Variants in DCAF6 observed in about 807,000 individuals in gnomAD.
DCAF6 encodes DDB1 and CUL4 associated factor 6.
Under a neutral mutation model 125.1 loss-of-function variants are expected in DCAF6, and 54 were observed. The observed-to-expected ratio is 0.43, with a 90% confidence interval of 0.35 to 0.54. The LOEUF is 0.54. Among genes scored for constraint, DCAF6 ranks in the 20% least tolerant of loss-of-function variants. The pLI is 0.01. For synonymous variants in DCAF6, 371 were observed against 390.4 expected (o/e 0.95, Z 0.58); for missense variants, 934 against 1,161.7 (o/e 0.80, Z 2.85).
the DCAF6 span, among the ~76,000 whole-genome samples, chr1:167,927,435 A>G: frequency 6.6e-6 from 1 of 152,198 alleles, no homozygotes; most frequent in East Asian, 1.9e-4. Context: ...ACACAGTATC[A>G]ATTACTAAGT....
the DCAF6 span, among the ~76,000 whole-genome samples, chr1:167,912,570 C>A: frequency 6.6e-6 from 1 of 152,238 alleles, no homozygotes; most frequent in African/African-American, 2.4e-5. Context: ...CCTCCTCCAG[C>A]GTCTGTAATA....
At chr1:168,025,760 G>T (rs543647800) in intron 12 of DCAF6, among the ~76,000 whole-genome samples, 72 of 152,152 alleles carry the variant, frequency 4.7e-4, no homozygotes, top group African/African-American at 1.6e-3. Flanking sequence ...ATTCTCTACC[G>T]GCAGCCAGAG....
At chr1:167,885,143 T>C in the DCAF6 span, among the ~76,000 whole-genome samples, 1 of 152,256 alleles carries the variant, frequency 6.6e-6, no homozygotes, top group Non-Finnish European at 1.5e-5. Context: ...GGCTGAATAG[T>C]ACTTCGTTGT....
At chr1:167,978,047 T>A in intron 4 of DCAF6, among the ~76,000 whole-genome samples, 1 of 152,216 alleles carries the variant, frequency 6.6e-6, no homozygotes, top group East Asian at 1.9e-4. Context: ...GAGCAAAATC[T>A]TAACTCATTT....
In DCAF6 at chr1:168,069,527, A is replaced by G. The variant is rs555082412; in HGVS notation, c.2791+1064A>G. 1.6e-3 allele frequency among the ~76,000 whole-genome samples: 240 copies of G among 152,302 alleles called. 1 individual carries two copies. The highest frequency in any genetic ancestry group is 8.1e-3 in the Admixed American group (124 of 15,290). ...CTGCATAAGCAGTGAATTAAATATCACTTCCTCAGAGAGAGTGGGGAATGG... is the reference window on the plus strand; with the variant it reads ...CTGCATAAGCAGTGAATTAAATATCGCTTCCTCAGAGAGAGTGGGGAATGG... On this transcript the variant is annotated intron_variant, in intron 21 of 21. Transcript: ENST00000367840.
At chr1:167,867,942 G>A in the DCAF6 span, among the ~76,000 whole-genome samples, 2 of 152,154 alleles carry the variant, frequency 1.3e-5, no homozygotes, top group Non-Finnish European at 2.9e-5. Context: ...CCTCCTGTAC[G>A]AGTGGAAGCT....
At chr1:168,045,511 G>A (rs1429855239) in intron 16 of DCAF6, among the ~76,000 whole-genome samples, 2 of 152,214 alleles carry the variant, frequency 1.3e-5, no homozygotes, top group Non-Finnish European at 2.9e-5. Flanking sequence ...TGTTAAGAAT[G>A]ACCCACAGGT....
intron 10 of DCAF6, among the ~76,000 whole-genome samples, chr1:168,007,782 T>C (rs1683542803): frequency 6.6e-6 from 1 of 151,948 alleles, no homozygotes; most frequent in African/African-American, 2.4e-5. Flanking sequence ...TTCTCTTCTC[T>C]TTACATACAC....
chr1:167,988,257 C>T (rs904845266), intron 5 of DCAF6, among the ~76,000 whole-genome samples: 4 of 152,052 alleles, frequency 2.6e-5, no homozygotes, highest in African/African-American at 9.7e-5. Flanking sequence ...ATCTTCTGGG[C>T]TCGAGTAATC....
the DCAF6 span, among the ~76,000 whole-genome samples, chr1:167,916,491 G>A: frequency 6.6e-6 from 1 of 152,182 alleles, no homozygotes; most frequent in African/African-American, 2.4e-5. Context: ...ACAGGCGTGA[G>A]CCACCGCACC....
chr1:167,924,354 G>A, the DCAF6 span: 4 of 621,598 alleles, frequency 6.4e-6, no homozygotes, highest in Admixed American at 1.5e-4. Context: ...AAAACGATAT[G>A]TCTGAGAATA....
Position 167,936,685 on chromosome 1 carries a change from A to C in DCAF6, c.-227A>C, listed in dbSNP as rs532123128. The C allele has an allele frequency of 3.4e-5, 17 of 493,074 alleles. No individual in the cohort carries two copies. In the African/African-American group the frequency reaches 3.5e-4, roughly 10 times the overall value. The allele number at this position is 493,074 out of a possible 1,614,324, so 30.5% of individuals were successfully genotyped here. ...GGAGGAGACTGTTGCTGATCTTTGG[A>C]TGTTCTGGTTAGTCTAAGAAGGAGA... On this transcript the variant is annotated 5_prime_UTR_variant, in exon 1 of 22. The change abolishes an upstream ATG in the 5' untranslated region. Coordinates refer to ENST00000367840, the MANE Select transcript of DCAF6 (RefSeq NM_001198956.2).
rs990167446 is a variant in DCAF6 at position 168,039,188 on chromosome 1, G to T, written c.1727+700G>T. Among the ~76,000 whole-genome samples the T allele has an allele frequency of 2.6e-5, 4 of 152,080 alleles. No homozygotes were observed. The South Asian group carries it at 6.2e-4, about 24-fold the overall frequency. On this transcript the variant is annotated intron_variant, in intron 13 of 21. Coordinates refer to ENST00000367840, the MANE Select transcript of DCAF6 (RefSeq NM_001198956.2). The stretch of plus-strand genomic sequence containing the variant: ...GAAATGAACTATATCTAGATTAAAA[G>T]ATATTGCCAAATTATTTCCAAAAGA...
chr1:167,913,202 C>T, the DCAF6 span, among the ~76,000 whole-genome samples: 1 of 152,048 alleles, frequency 6.6e-6, no homozygotes, highest in African/African-American at 2.4e-5. Flanking sequence ...GGCAAGCAGG[C>T]GAATGAGGCC....
chr1:167,998,544 A>T (rs1406512125), intron 7 of DCAF6: 1 of 165,960 alleles, frequency 6.0e-6, no homozygotes, highest in Non-Finnish European at 1.3e-5. Context: ...TCCAAATTGG[A>T]GTCAGTCCTT....
intron 13 of DCAF6, among the ~76,000 whole-genome samples, chr1:168,039,946 C>A (rs919835709): frequency 6.6e-6 from 1 of 151,652 alleles, no homozygotes; most frequent in African/African-American, 2.4e-5. Context: ...ATTGGAAATA[C>A]ATCAGTGAAA....
upstream of DCAF6, among the ~76,000 whole-genome samples, chr1:167,935,019 C>T (rs1029928010): frequency 2.6e-5 from 4 of 151,922 alleles, no homozygotes; most frequent in African/African-American, 9.7e-5. Flanking sequence ...GAGTCAAGCA[C>T]ATATGTTATC....
At chr1:167,925,001 T>G in the DCAF6 span, among the ~76,000 whole-genome samples, 1 of 152,136 alleles carries the variant, frequency 6.6e-6, no homozygotes, top group African/African-American at 2.4e-5. Flanking sequence ...GGCAGTTGCT[T>G]CCCTCCAATT....
the DCAF6 span, chr1:167,899,706 A>G: frequency 4.3e-6 from 6 of 1,397,918 alleles, no homozygotes; most frequent in Non-Finnish European, 6.0e-6. Flanking sequence ...TGGAAAAACC[A>G]TAATCTTGGT....
Sources: allele counts gnomAD v4.1 joint callset (sites outside exome capture counted in the v4.1 genomes callset), GRCh38; gene constraint gnomAD v4.1.1; transcripts MANE v1.5; gene names NCBI Gene and HGNC (gene_info 2026-07-23, HGNC 2026-07-21).